Variants in INPP5D observed in about 807,000 individuals in gnomAD.
INPP5D encodes inositol polyphosphate-5-phosphatase D.
Under a neutral mutation model 122.9 loss-of-function variants are expected in INPP5D, and 33 were observed. The observed-to-expected ratio is 0.27, with a 90% CI of 0.20 to 0.36. The LOEUF (loss-of-function observed/expected upper bound fraction) is 0.36, where lower values mean the gene tolerates loss of function less well. Among genes scored for constraint, INPP5D ranks in the 10% least tolerant of loss-of-function variants. INPP5D has a pLI of 1.00. For missense variants in INPP5D, 1,053 were observed against 1,412.7 expected, an observed-to-expected ratio of 0.75 and a Z score of 4.08; for synonymous variants, 584 against 576.2, an observed-to-expected ratio of 1.01 and a Z score of -0.19.
At chr2:233,145,280 A>G (rs899446429) in intron 6 of INPP5D, 5 of 456,102 alleles carry the variant, frequency 1.1e-5, no homozygotes, top group African/African-American at 8.0e-5. Context: ...GTGCGACCTC[A>G]GACAAGTTAG....
intron 9 of INPP5D, among the ~76,000 whole-genome samples, chr2:233,156,678 C>T (rs1183185532): frequency 2.0e-5 from 3 of 152,200 alleles, no homozygotes; most frequent in Admixed American, 2.0e-4. Context: ...CTTCCCTCCT[C>T]CCCCAGTGAG....
At chr2:233,060,747 G>A in intron 1 of INPP5D, 135 bp downstream of exon 1, 2 of 1,252,774 alleles carry the variant, frequency 1.6e-6, no homozygotes, top group South Asian at 2.8e-5. Context: ...ACCCTGTCAT[G>A]GACCTTGTCC....
intron 6 of INPP5D, chr2:233,140,828 C>A (rs1040957775): frequency 6.6e-6 from 1 of 152,246 alleles, no homozygotes; most frequent in African/African-American, 2.4e-5. Context: ...GCCACCATGC[C>A]TGGCCATTTT....
chr2:233,122,142 G>A lies in INPP5D; in HGVS notation c.234G>A (p.Lys78=). ...GCGTCTCCATGAGGTTCTTCACCAA[G>A]CTGGACCAGCTCATCGAGTTTTACA... ...SEGVSMRFFT[K]LDQLIEFYKK... Residue 78 remains lysine, a synonymous_variant, in exon 3 of 27, where the codon AAG becomes AAA. Transcript: ENST00000445964. 6.2e-7 allele frequency: 1 copy of A among 1,614,006 alleles called. No individual in the cohort carries two copies. The highest frequency in any genetic ancestry group is 1.1e-5 in the South Asian group (1 of 91,090).
chr2:233,110,063 T>C (rs2106242388), intron 2 of INPP5D, among the ~76,000 whole-genome samples: 2 of 151,540 alleles, frequency 1.3e-5, no homozygotes, highest in South Asian at 4.2e-4. Context: ...TTTTTTTTTT[T>C]TTTTTTGAGA....
chr2:233,114,023 G>T (rs1692712652), intron 2 of INPP5D, among the ~76,000 whole-genome samples: 1 of 150,412 alleles, frequency 6.6e-6, no homozygotes, highest in South Asian at 2.1e-4. Context: ...CCATTCTCCT[G>T]CTTCAGCCTC....
chr2:233,159,546 T>A (rs75322627), intron 10 of INPP5D, among the ~76,000 whole-genome samples: 50,761 of 145,626 alleles, frequency 0.35, 11,017 homozygotes, highest in Non-Finnish European at 0.49. Flanking sequence ...AAAAAAAAAA[T>A]AGCTGGGTGT....
chr2:233,202,308 C>T (rs4468807), intron 25 of INPP5D, among the ~76,000 whole-genome samples: 36,424 of 152,172 alleles, frequency 0.24, 4,594 homozygotes, highest in Non-Finnish European at 0.25. Context: ...AGGGTCCACA[C>T]GGGGGTCAGA....
intron 6 of INPP5D, among the ~76,000 whole-genome samples, chr2:233,143,813 A>G (rs1693677522): frequency 6.6e-6 from 1 of 151,546 alleles, no homozygotes; most frequent in Admixed American, 6.6e-5. Context: ...AGGAGTGGAG[A>G]TGGTGGTGGT....
intron 25 of INPP5D, 148 bp downstream of exon 25, chr2:233,198,524 G>A (rs559564325): frequency 1.5e-6 from 2 of 1,297,040 alleles, no homozygotes; most frequent in East Asian, 2.5e-5. Flanking sequence ...GAACACAGCA[G>A]GCCCCTGACA....
intron 18 of INPP5D, among the ~76,000 whole-genome samples, chr2:233,181,790 G>A (rs896160867): frequency 2.0e-5 from 3 of 152,044 alleles, no homozygotes; most frequent in African/African-American, 7.3e-5. Context: ...CAGTGTTTGG[G>A]GCTCTTCATC....
At chr2:233,184,737 C>G (rs1205760316) in intron 20 of INPP5D, among the ~76,000 whole-genome samples, 2 of 152,202 alleles carry the variant, frequency 1.3e-5, no homozygotes, top group African/African-American at 4.8e-5. Flanking sequence ...CAGGGGTGGC[C>G]ATGAATGTAC....
At chr2:233,066,111 C>G (rs908082082) in intron 1 of INPP5D, among the ~76,000 whole-genome samples, 6 of 152,158 alleles carry the variant, frequency 3.9e-5, no homozygotes, top group Non-Finnish European at 7.4e-5. Context: ...GTGCAAGTCA[C>G]CAAGCCTGGC....
chr2:233,130,714 G>C (rs1450165227), intron 5 of INPP5D, 66 bp downstream of exon 5: 1 of 1,547,490 alleles, frequency 6.5e-7, no homozygotes, highest in African/African-American at 1.4e-5. Flanking sequence ...CAGCTCATGA[G>C]AGCGACCTCT....
At chr2:233,080,757 C>A (rs755834236) in intron 2 of INPP5D, among the ~76,000 whole-genome samples, 1 of 152,030 alleles carries the variant, frequency 6.6e-6, no homozygotes, top group African/African-American at 2.4e-5. Flanking sequence ...CAGGCAAGTC[C>A]CTGGAGGCAA....
rs1342323692 is a variant in INPP5D at position 233,158,429 on chromosome 2, A to G, written c.1137+10A>G. 7.1e-6 allele frequency: 5 copies of G among 701,246 alleles called. No homozygotes were observed. The highest frequency in any genetic ancestry group is 2.0e-5 in the Admixed American group (1 of 49,546). The allele number at this position is 701,246 out of a possible 1,614,324, so 43.4% of individuals were successfully genotyped here. On this transcript the variant is annotated intron_variant, in intron 10 of 26. Coordinates refer to ENST00000445964, the MANE Select transcript of INPP5D (RefSeq NM_001017915.3). Reference sequence around the variant, plus strand: ...TTTTGCTGACTCCAAAGTAAGTGACAGCAAACTTCTAAAATGGGCTGTGAG... The same window carrying G: ...TTTTGCTGACTCCAAAGTAAGTGACGGCAAACTTCTAAAATGGGCTGTGAG...
intron 6 of INPP5D, chr2:233,145,867 A>G (rs1693744352): frequency 3.5e-6 from 2 of 574,136 alleles, no homozygotes; most frequent in Non-Finnish European, 3.3e-6. Flanking sequence ...GAAAGGTAAC[A>G]TGCAAGGACA....
At chr2:233,061,522 C>T (rs1691074962) in intron 1 of INPP5D, among the ~76,000 whole-genome samples, 1 of 152,176 alleles carries the variant, frequency 6.6e-6, no homozygotes, top group South Asian at 2.1e-4. Context: ...AAGTAGCATC[C>T]CTGGGCTGGC....
Position 233,101,181 on chromosome 2 carries a change from G to A in INPP5D, c.199-20926G>A, listed in dbSNP as rs537936947. Among the ~76,000 whole-genome samples the A allele has an allele frequency of 2.7e-4, 41 of 152,234 alleles. No homozygotes were observed. In the South Asian group the frequency reaches 5.6e-3, roughly 21 times the overall value. On this transcript the variant is annotated intron_variant, in intron 2 of 26. Coordinates refer to ENST00000445964, the MANE Select transcript of INPP5D (RefSeq NM_001017915.3). ...AACCTTGGACAACCAGTTCTCCAGGGAAGAAAACAAGCCCGTGATTTGTAG... is the reference window on the plus strand; with the variant it reads ...AACCTTGGACAACCAGTTCTCCAGGAAAGAAAACAAGCCCGTGATTTGTAG...
Sources: gnomAD v4.1 joint callset for allele counts (sites outside exome capture counted in the v4.1 genomes callset) on GRCh38, gnomAD v4.1.1 for gene constraint, MANE v1.5 for transcripts, NCBI Gene and HGNC (gene_info 2026-07-23, HGNC 2026-07-21) for gene names.